PKHD1: variants seen among roughly 807,000 people sequenced by gnomAD.
PKHD1 encodes the protein PKHD1 ciliary IPT domain containing fibrocystin/polyductin.
PKHD1 carries 291 observed loss-of-function variants against 412.0 expected under a neutral mutation model. That is an observed-to-expected ratio of 0.71 (90% CI 0.64 to 0.78). The LOEUF (loss-of-function observed/expected upper bound fraction) is 0.78, where lower values mean the gene tolerates loss of function less well. Ranked by LOEUF, PKHD1 falls within the 30% of genes least tolerant of loss-of-function variation. The pLI is 0.00. For missense variants in PKHD1, 4,825 were observed against 4,950.7 expected (o/e 0.97, Z 0.76); for synonymous variants, 1,777 against 1,821.5 (o/e 0.98, Z 0.62).
chr6:52,001,096 A>G (rs1798322248), intron 35 of PKHD1, among the ~76,000 whole-genome samples: 2 of 152,218 alleles, frequency 1.3e-5, no homozygotes, highest in African/African-American at 2.4e-5. Context: ...GAATTATTTT[A>G]ACATTGAATA....
intron 36 of PKHD1, among the ~76,000 whole-genome samples, chr6:51,941,722 A>G: frequency 6.6e-6 from 1 of 150,788 alleles, no homozygotes; most frequent in Non-Finnish European, 1.5e-5. Flanking sequence ...TATCCTCAAT[A>G]CCTCCCTCCA....
intron 60 of PKHD1, among the ~76,000 whole-genome samples, chr6:51,672,354 A>G (rs1775143223): frequency 1.3e-5 from 2 of 152,210 alleles, no homozygotes; most frequent in African/African-American, 4.8e-5. Flanking sequence ...CACACCACTT[A>G]TGATGAAGGA....
chr6:51,858,301 C>A (rs1402173510), intron 48 of PKHD1, among the ~76,000 whole-genome samples: 1 of 152,188 alleles, frequency 6.6e-6, no homozygotes, highest in Non-Finnish European at 1.5e-5. Context: ...TGCGCTCAGT[C>A]ATCATGGCTC....
At chr6:51,758,052 G>GAGAGAA (rs1787355253) in intron 55 of PKHD1, among the ~76,000 whole-genome samples, 2 of 138,390 alleles carry the variant, frequency 1.4e-5, no homozygotes, top group Non-Finnish European at 1.6e-5. Context: ...GAGAGAGAGA[G>GAGAGAA]AAAACAAAGC....
At chr6:51,991,653 A>G (rs1038610651) in intron 35 of PKHD1, among the ~76,000 whole-genome samples, 1 of 152,222 alleles carries the variant, frequency 6.6e-6, no homozygotes, top group African/African-American at 2.4e-5. Flanking sequence ...GCTAATTGTG[A>G]TGTATTTCCA....
At chr6:51,986,694 C>T (rs142633281) in intron 35 of PKHD1, among the ~76,000 whole-genome samples, 2 of 152,284 alleles carry the variant, frequency 1.3e-5, no homozygotes, top group African/African-American at 4.8e-5. Context: ...ATAAACATGG[C>T]TTGGTATTTT....
At chr6:51,799,571 A>T (rs1762599303) in intron 52 of PKHD1, among the ~76,000 whole-genome samples, 1 of 152,224 alleles carries the variant, frequency 6.6e-6, no homozygotes, top group Non-Finnish European at 1.5e-5. Context: ...AAATAAAATA[A>T]GCACATGCCA....
At chr6:51,726,481 C>T (rs1437270732) in intron 60 of PKHD1, among the ~76,000 whole-genome samples, 3 of 152,194 alleles carry the variant, frequency 2.0e-5, no homozygotes, top group Non-Finnish European at 4.4e-5. Context: ...CTCTTTTCTG[C>T]CATCCTATCC....
At chr6:51,761,570 T>C (rs1172283971) in intron 55 of PKHD1, among the ~76,000 whole-genome samples, 1 of 152,056 alleles carries the variant, frequency 6.6e-6, no homozygotes. Flanking sequence ...TCTTTAAAAA[T>C]GCTGAGTGTG....
At chr6:51,853,244 C>T (rs1302793500) in intron 49 of PKHD1, among the ~76,000 whole-genome samples, 1 of 152,156 alleles carries the variant, frequency 6.6e-6, no homozygotes, top group Non-Finnish European at 1.5e-5. Flanking sequence ...TTCCAATCTC[C>T]ACTGGCTTAT....
Position 51,902,230 on chromosome 6 carries a change from G to A in PKHD1, c.6996+1367C>T, listed in dbSNP as rs116074282. 7.8e-3 allele frequency among the ~76,000 whole-genome samples: 1,187 copies of A among 152,100 alleles called. 15 individuals are homozygous for A. Among genetic ancestry groups the A allele is most frequent in the African/African-American group, 0.026 (1,079 of 41,480 alleles). ...CCCAAAAGCTTACAGACATAGAAAG[G>A]GCACATAGGAACTCTTTTATTTACG... On this transcript the variant is annotated intron_variant, in intron 43 of 66. Coordinates refer to ENST00000371117, the MANE Select transcript of PKHD1 (RefSeq NM_138694.4).
At chr6:52,012,606 A>G (rs1307907127) in intron 34 of PKHD1, among the ~76,000 whole-genome samples, 2 of 152,240 alleles carry the variant, frequency 1.3e-5, no homozygotes, top group African/African-American at 4.8e-5. Context: ...ATTTAGATCA[A>G]TACAGAAATG....
At chr6:52,010,113 T>A (rs539978513) in intron 35 of PKHD1, among the ~76,000 whole-genome samples, 196 bp downstream of exon 35, 1 of 152,332 alleles carries the variant, frequency 6.6e-6, no homozygotes, top group South Asian at 2.1e-4. Context: ...CACTCATTTA[T>A]TTTTGAGAAA....
chr6:51,903,788 C>T, intron 42 of PKHD1, 61 bp from the exon 43 acceptor site: 3 of 1,331,374 alleles, frequency 2.3e-6, no homozygotes, highest in Non-Finnish European at 3.2e-6. Context: ...CAACTCAACA[C>T]CCTTGATTCT....
chr6:51,695,947 T>C (rs1778752728), intron 60 of PKHD1, among the ~76,000 whole-genome samples: 1 of 152,170 alleles, frequency 6.6e-6, no homozygotes, highest in Non-Finnish European at 1.5e-5. Flanking sequence ...TAAGAAAAGT[T>C]TGCGTTGATG....
At chr6:51,969,420 T>C (rs1356544925) in intron 35 of PKHD1, among the ~76,000 whole-genome samples, 1 of 152,168 alleles carries the variant, frequency 6.6e-6, no homozygotes, top group Non-Finnish European at 1.5e-5. Flanking sequence ...ATTTTTTTAA[T>C]AGATTTAGAG....
intron 36 of PKHD1, among the ~76,000 whole-genome samples, chr6:51,948,205 T>C (rs900789775): frequency 1.3e-5 from 2 of 152,168 alleles, no homozygotes; most frequent in African/African-American, 4.8e-5. Flanking sequence ...GGGTTAATTC[T>C]CAAAACAACA....
chr6:51,719,723 T>C (rs924837165), intron 60 of PKHD1, among the ~76,000 whole-genome samples: 6 of 152,214 alleles, frequency 3.9e-5, no homozygotes, highest in Non-Finnish European at 2.9e-5. Context: ...AATTATATTA[T>C]ATATTGTACA....
At chr6:51,987,319 G>T (rs1020661371) in intron 35 of PKHD1, among the ~76,000 whole-genome samples, 2 of 152,262 alleles carry the variant, frequency 1.3e-5, no homozygotes, top group South Asian at 4.2e-4. Context: ...ATAATAACAA[G>T]AATAATAATG....
Sources: allele counts gnomAD v4.1 joint callset (sites outside exome capture counted in the v4.1 genomes callset), GRCh38; gene constraint gnomAD v4.1.1; transcripts MANE v1.5; gene names NCBI Gene and HGNC (gene_info 2026-07-23, HGNC 2026-07-21).